Variants in WWOX observed in about 807,000 individuals in gnomAD.
WWOX encodes the protein WW domain containing oxidoreductase, also known as WW domain-containing oxidoreductase.
A neutral mutation model predicts 46.2 loss-of-function variants in WWOX; 69 were observed. That is an observed-to-expected ratio of 1.49 (90% CI 1.23 to 1.82). The LOEUF (loss-of-function observed/expected upper bound fraction) is 1.82, where lower values mean the gene tolerates loss of function less well. Ranked by LOEUF, WWOX falls within the 40% of genes most tolerant of loss-of-function variation. The pLI is 0.00. For missense variants in WWOX, 919 were observed against 542.6 expected, an observed-to-expected ratio of 1.69 and a Z score of -6.89; for synonymous variants, 359 against 202.6, an observed-to-expected ratio of 1.77 and a Z score of -6.56.
In WWOX at chr16:78,249,439, T is replaced by C. The variant is rs2037920864; in HGVS notation, c.516+85150T>C. 2.0e-5 allele frequency among the ~76,000 whole-genome samples: 3 copies of C among 152,232 alleles called. No individual in the cohort carries two copies. The South Asian group carries it at 6.2e-4, about 32-fold the overall frequency. On this transcript the variant is annotated intron_variant, in intron 5 of 8. Coordinates refer to ENST00000566780, the MANE Select transcript of WWOX (RefSeq NM_016373.4). ...ACCTCCAGTGCACGCCGCATTAGCC[T>C]CTCCAATGAGTTTCTCCTTTATTTT...
chr16:78,152,144 C>G (rs533888047), intron 4 of WWOX, among the ~76,000 whole-genome samples: 1 of 151,230 alleles, frequency 6.6e-6, no homozygotes, highest in South Asian at 2.1e-4. Context: ...GAGCCGAGAT[C>G]GCGCCACTGC....
intron 8 of WWOX, among the ~76,000 whole-genome samples, chr16:78,831,284 T>G (rs1325811528): frequency 6.6e-6 from 1 of 152,218 alleles, no homozygotes. Context: ...CAGCAAAGAA[T>G]ATCTTTAGGC....
chr16:78,477,730 G>A (rs1423875934), intron 8 of WWOX, among the ~76,000 whole-genome samples: 1 of 152,092 alleles, frequency 6.6e-6, no homozygotes, highest in South Asian at 2.1e-4. Context: ...GTAAAACCAT[G>A]TTACGTGCGG....
At chr16:79,004,394 A>G (rs1418523216) in intron 8 of WWOX, 2 of 152,326 alleles carry the variant, frequency 1.3e-5, no homozygotes, top group African/African-American at 2.4e-5. Context: ...CTCATTTTCC[A>G]TTGGCCCTGG....
intron 5 of WWOX, among the ~76,000 whole-genome samples, chr16:78,329,815 T>C (rs2080714771): frequency 1.3e-5 from 2 of 151,642 alleles, no homozygotes. Flanking sequence ...GGTAGAATCA[T>C]AGCTCACTGC....
At chr16:78,927,407 T>G (rs2045523651) in intron 8 of WWOX, among the ~76,000 whole-genome samples, 1 of 152,198 alleles carries the variant, frequency 6.6e-6, no homozygotes, top group Non-Finnish European at 1.5e-5. Context: ...TTCTTATGTC[T>G]GTTATTACCA....
intron 5 of WWOX, among the ~76,000 whole-genome samples, chr16:78,198,502 T>C (rs934993324): frequency 6.6e-6 from 1 of 152,184 alleles, no homozygotes; most frequent in East Asian, 1.9e-4. Context: ...GAGAATGGGC[T>C]CTATGCCAGT....
At chr16:78,659,823 T>G (rs1332599317) in intron 8 of WWOX, among the ~76,000 whole-genome samples, 1 of 152,210 alleles carries the variant, frequency 6.6e-6, no homozygotes, top group African/African-American at 2.4e-5. Flanking sequence ...TCACTCTTAC[T>G]TAAACACACA....
intron 8 of WWOX, among the ~76,000 whole-genome samples, chr16:78,850,916 A>G (rs934733714): frequency 1.3e-5 from 2 of 152,234 alleles, no homozygotes; most frequent in Non-Finnish European, 2.9e-5. Context: ...TTGATCAGTC[A>G]TGAATAAGGA....
At chr16:78,826,269 C>T (rs755408132) in intron 8 of WWOX, among the ~76,000 whole-genome samples, 4 of 152,148 alleles carry the variant, frequency 2.6e-5, no homozygotes, top group Admixed American at 6.5e-5. Context: ...TCGCTTGAAC[C>T]CGGGAGGTGG....
At chr16:78,550,114 A>G (rs966824113) in intron 8 of WWOX, among the ~76,000 whole-genome samples, 1 of 152,200 alleles carries the variant, frequency 6.6e-6, no homozygotes, top group African/African-American at 2.4e-5. Context: ...ATCTTTAAAA[A>G]TTTCTTTGGT....
intron 5 of WWOX, among the ~76,000 whole-genome samples, chr16:78,277,195 G>T (rs991649363): frequency 6.6e-6 from 1 of 152,088 alleles, no homozygotes; most frequent in Non-Finnish European, 1.5e-5. Context: ...TTTGAAAGGG[G>T]AGGAAAAAAA....
chr16:78,452,475 C>CTTTTTTTTTTTTT (rs397945707), intron 8 of WWOX, among the ~76,000 whole-genome samples: 6 of 126,074 alleles, frequency 4.8e-5, no homozygotes, highest in East Asian at 2.3e-4. Flanking sequence ...CTCTCTCTCT[C>CTTTTTTTTTTTTT]TTTTTTTTTT....
Position 78,365,504 on chromosome 16 carries a change from A to T in WWOX, c.517-21356A>T, listed in dbSNP as rs144698751. Reference sequence around the variant, plus strand: ...CTGGGCAACAATGAACATGACTTCAATAATGACAAAAAGATTCAGATTCCT... The same window carrying T: ...CTGGGCAACAATGAACATGACTTCATTAATGACAAAAAGATTCAGATTCCT... On this transcript the variant is annotated intron_variant, in intron 5 of 8. Transcript: ENST00000566780. 1.4e-4 allele frequency among the ~76,000 whole-genome samples: 22 copies of T among 152,320 alleles called. No individual in the cohort carries two copies. In the East Asian group the frequency reaches 1.7e-3, roughly 12 times the overall value.
At chr16:79,176,134 A>T (rs1429527570) in intron 8 of WWOX, among the ~76,000 whole-genome samples, 1 of 152,210 alleles carries the variant, frequency 6.6e-6, no homozygotes, top group African/African-American at 2.4e-5. Context: ...ATTAGTTAGG[A>T]TAGGCTGAGC....
intron 6 of WWOX, among the ~76,000 whole-genome samples, chr16:78,397,273 T>C (rs2082308900): frequency 6.6e-6 from 1 of 152,236 alleles, no homozygotes; most frequent in Non-Finnish European, 1.5e-5. Flanking sequence ...AATTGGAGTA[T>C]GGAACCATAT....
chr16:79,065,247 A>G (rs1331405052), intron 8 of WWOX, among the ~76,000 whole-genome samples: 1 of 152,194 alleles, frequency 6.6e-6, no homozygotes, highest in Non-Finnish European at 1.5e-5. Context: ...AACCCAGTTC[A>G]CTGAGATGAC....
chr16:79,104,071 T>G (rs2049259831), intron 8 of WWOX, among the ~76,000 whole-genome samples: 1 of 138,188 alleles, frequency 7.2e-6, no homozygotes. Flanking sequence ...GGGTACTTAC[T>G]AAGGACCTTG....
chr16:78,876,318 A>G (rs563828130), intron 8 of WWOX, among the ~76,000 whole-genome samples: 3 of 151,866 alleles, frequency 2.0e-5, no homozygotes, highest in Admixed American at 6.6e-5. Context: ...GCTTATGGCC[A>G]TGCCCTTTCT....
Sources: gnomAD v4.1 joint callset for allele counts (sites outside exome capture counted in the v4.1 genomes callset) on GRCh38, gnomAD v4.1.1 for gene constraint, MANE v1.5 for transcripts, NCBI Gene and HGNC (gene_info 2026-07-23, HGNC 2026-07-21) for gene names.